The following CMIP variants were observed in gnomAD, a reference collection of about 807,000 sequenced individuals.
CMIP encodes C-Maf-inducing protein.
Under a neutral mutation model 97.3 loss-of-function variants are expected in CMIP, and 13 were observed. That is an observed-to-expected ratio of 0.13 (90% CI 0.09 to 0.21). CMIP has a LOEUF of 0.21. Ranked by LOEUF, CMIP falls within the 10% of genes least tolerant of loss-of-function variation. The pLI, the probability that CMIP is intolerant of heterozygous loss-of-function variation, is 1.00. For synonymous variants in CMIP, 538 were observed against 436.3 expected (o/e 1.23, Z -2.91); for missense variants, 847 against 1,024.9 (o/e 0.83, Z 2.37).
chr16:81,641,964 C>T (rs2092311542), intron 3 of CMIP, among the ~76,000 whole-genome samples: 1 of 152,256 alleles, frequency 6.6e-6, no homozygotes, highest in African/African-American at 2.4e-5. Context: ...ACTTACCTCA[C>T]TCAGCCTCGA....
At chr16:81,486,975 G>T (rs778514582) in intron 1 of CMIP, among the ~76,000 whole-genome samples, 1 of 152,382 alleles carries the variant, frequency 6.6e-6, no homozygotes, top group African/African-American at 2.4e-5. Context: ...CGCACTGGGC[G>T]TTGAGCGCCG....
At chr16:81,459,076 C>CATTACTGTGGCT (rs1567526422) in intron 1 of CMIP, among the ~76,000 whole-genome samples, 17 of 152,056 alleles carry the variant, frequency 1.1e-4, no homozygotes, top group Admixed American at 1.1e-3. Flanking sequence ...CCGTCACCGT[C>CATTACTGTGGCT]ACCATCACTG....
chr16:81,630,111 G>C (rs770562172), intron 3 of CMIP: 10 of 152,188 alleles, frequency 6.6e-5, no homozygotes, highest in South Asian at 4.1e-4. Context: ...AGTTGCTTTC[G>C]TCTCTGGGCC....
chr16:81,473,811 G>T (rs1420133097), intron 1 of CMIP, among the ~76,000 whole-genome samples: 15 of 127,066 alleles, frequency 1.2e-4, no homozygotes, highest in East Asian at 4.5e-4. Context: ...CCACACAGTG[G>T]TTTTTTTTTT....
intron 2 of CMIP, among the ~76,000 whole-genome samples, chr16:81,608,224 C>A (rs1567607750): frequency 6.6e-6 from 1 of 152,140 alleles, no homozygotes; most frequent in Non-Finnish European, 1.5e-5. Flanking sequence ...ATTATTCCAA[C>A]TAGTGAGACA....
At chr16:81,548,959 A>G (rs2090602481) in intron 1 of CMIP, among the ~76,000 whole-genome samples, 2 of 152,212 alleles carry the variant, frequency 1.3e-5, no homozygotes, top group Non-Finnish European at 2.9e-5. Flanking sequence ...CCCATTTCAC[A>G]CACGAGGATT....
Position 81,465,051 on chromosome 16 carries a change from G to A in CMIP, c.300+19510G>A, listed in dbSNP as rs28594283. ...GTATTTATTATCGCCCCTGCTTTTG[G>A]TTCTTTTGGATATACATCTACGAGC... On this transcript the variant is annotated intron_variant, in intron 1 of 20. Transcript: ENST00000537098. 3.4e-3 allele frequency among the ~76,000 whole-genome samples: 512 copies of A among 152,212 alleles called. 3 individuals carry two copies. Among genetic ancestry groups the A allele is most frequent in the African/African-American group, 0.011 (463 of 41,542 alleles).
chr16:81,602,975 C>A (rs569557250), intron 1 of CMIP, among the ~76,000 whole-genome samples: 3 of 152,212 alleles, frequency 2.0e-5, no homozygotes, highest in Non-Finnish European at 4.4e-5. Flanking sequence ...GCCCAAGGAA[C>A]AGCAGCGTTC....
chr16:81,691,332 G>A (rs1308458883), intron 10 of CMIP, among the ~76,000 whole-genome samples: 3 of 152,140 alleles, frequency 2.0e-5, no homozygotes, highest in Non-Finnish European at 1.5e-5. Context: ...AAGGACATCC[G>A]TCTACAGCCT....
At chr16:81,549,390 C>T (rs1160676123) in intron 1 of CMIP, among the ~76,000 whole-genome samples, 1 of 152,186 alleles carries the variant, frequency 6.6e-6, no homozygotes, top group African/African-American at 2.4e-5. Flanking sequence ...GACTTTGTCA[C>T]CCATGAGGTC....
At chr16:81,460,330 A>G (rs780665832) in intron 1 of CMIP, among the ~76,000 whole-genome samples, 2 of 151,960 alleles carry the variant, frequency 1.3e-5, no homozygotes, top group African/African-American at 2.4e-5. Flanking sequence ...AGCGGTTGCC[A>G]TGGGTGGGTG....
intron 3 of CMIP, among the ~76,000 whole-genome samples, chr16:81,638,314 G>C (rs1470802763): frequency 6.6e-6 from 1 of 152,180 alleles, no homozygotes; most frequent in African/African-American, 2.4e-5. Flanking sequence ...GGGGCCACCA[G>C]TCACCTCATG....
chr16:81,638,380 C>A (rs549191619), intron 3 of CMIP, among the ~76,000 whole-genome samples: 1 of 152,178 alleles, frequency 6.6e-6, no homozygotes, highest in African/African-American at 2.4e-5. Flanking sequence ...CAGCCCTCCC[C>A]CCAGAGCATC....
chr16:81,530,085 A>G (rs1484919817), intron 1 of CMIP, among the ~76,000 whole-genome samples: 2 of 152,192 alleles, frequency 1.3e-5, no homozygotes, highest in African/African-American at 4.8e-5. Context: ...CAAAGAGTCC[A>G]TCTTTCAGTC....
chr16:81,461,228 G>C (rs900257184), intron 1 of CMIP, among the ~76,000 whole-genome samples: 2 of 152,160 alleles, frequency 1.3e-5, no homozygotes, highest in African/African-American at 2.4e-5. Flanking sequence ...GGGCTGGCTG[G>C]GCAGACAGCC....
At chr16:81,592,680 C>T (rs555437837) in intron 1 of CMIP, among the ~76,000 whole-genome samples, 3 of 152,324 alleles carry the variant, frequency 2.0e-5, no homozygotes, top group South Asian at 2.1e-4. Context: ...TTCCACTGAG[C>T]GGCTGTGACC....
chr16:81,506,848 T>C (rs1042276819), intron 1 of CMIP, among the ~76,000 whole-genome samples: 2 of 144,168 alleles, frequency 1.4e-5, no homozygotes, highest in African/African-American at 2.6e-5. Context: ...GAGGTGGCAG[T>C]GAGCTGAGAT....
At chr16:81,524,295 A>G (rs1230524275) in intron 1 of CMIP, among the ~76,000 whole-genome samples, 1 of 152,240 alleles carries the variant, frequency 6.6e-6, no homozygotes, top group Admixed American at 6.5e-5. Context: ...AACATGGCAC[A>G]TGAAACAGAG....
At chr16:81,508,415 A>G (rs1003827270) in intron 1 of CMIP, among the ~76,000 whole-genome samples, 1 of 152,220 alleles carries the variant, frequency 6.6e-6, no homozygotes, top group Non-Finnish European at 1.5e-5. Flanking sequence ...TCACTAAACA[A>G]TAGTGAGGAA....
Sources: allele counts gnomAD v4.1 joint callset (sites outside exome capture counted in the v4.1 genomes callset), GRCh38; gene constraint gnomAD v4.1.1; transcripts MANE v1.5; gene names NCBI Gene and HGNC (gene_info 2026-07-23, HGNC 2026-07-21).